The following PLCB1 variants were observed in gnomAD, a reference collection of about 807,000 sequenced individuals.
The protein encoded by PLCB1 is phospholipase C beta 1, also known as 1-phosphatidylinositol 4,5-bisphosphate phosphodiesterase beta-1.
A neutral mutation model predicts 161.8 loss-of-function variants in PLCB1; 46 were observed. The observed-to-expected ratio is 0.28, with a 90% CI of 0.22 to 0.36. PLCB1 has a LOEUF of 0.36. Ranked by LOEUF, PLCB1 falls within the 10% of genes least tolerant of loss-of-function variation. The probability of loss-of-function intolerance (pLI) is 1.00; values close to 1 mark genes in which losing one functional copy is unlikely to be tolerated. For missense variants in PLCB1, 1,016 were observed against 1,472.5 expected (o/e 0.69, Z 5.07); for synonymous variants, 517 against 503.7 (o/e 1.03, Z -0.35).
intron 1 of PLCB1, among the ~76,000 whole-genome samples, chr20:8,146,802 A>G (rs58635000): frequency 0.043 from 6,607 of 152,232 alleles, 184 homozygotes; most frequent in South Asian, 0.12. Flanking sequence ...CTTAATTACT[A>G]TATTAATCTT....
intron 9 of PLCB1, among the ~76,000 whole-genome samples, chr20:8,672,108 C>T (rs1989960251): frequency 6.6e-6 from 1 of 152,154 alleles, no homozygotes; most frequent in Non-Finnish European, 1.5e-5. Context: ...AACACAAAGA[C>T]TGACTGCCTG....
chr20:8,668,355 G>A (rs1280459846), intron 9 of PLCB1, among the ~76,000 whole-genome samples: 4 of 152,152 alleles, frequency 2.6e-5, no homozygotes, highest in African/African-American at 9.7e-5. Context: ...AGCTGTGACA[G>A]CAAAGATTAT....
intron 23 of PLCB1, among the ~76,000 whole-genome samples, chr20:8,754,658 A>G (rs1370585077): frequency 6.6e-6 from 1 of 152,080 alleles, no homozygotes; most frequent in African/African-American, 2.4e-5. Flanking sequence ...AACCATGGGC[A>G]CCCTCTTCAG....
chr20:8,135,785 C>T (rs531926321), intron 1 of PLCB1, among the ~76,000 whole-genome samples: 33 of 152,268 alleles, frequency 2.2e-4, no homozygotes, highest in African/African-American at 7.5e-4. Flanking sequence ...CATGTCTTTG[C>T]TTTTGTTTTG....
At position 8,197,200 on chromosome 20, in the gene PLCB1, G is replaced by T. The variant is rs1469407934; in HGVS notation, c.177+46829G>T. On this transcript the variant is annotated intron_variant, in intron 2 of 31. Transcript: ENST00000338037. Reference sequence around the variant, plus strand: ...TATATACCCAGTAATGGGATGGCTGGGTCAAATGGTATTTCTAGTTCTAGA... The same window carrying T: ...TATATACCCAGTAATGGGATGGCTGTGTCAAATGGTATTTCTAGTTCTAGA... Among the ~76,000 whole-genome samples, 4 of 152,150 alleles carry T rather than the reference G, an allele frequency of 2.6e-5. 1 individual carries two copies. In the South Asian group the frequency reaches 6.2e-4, roughly 24 times the overall value.
chr20:8,135,550 T>G (rs970209960), intron 1 of PLCB1, among the ~76,000 whole-genome samples: 4 of 152,258 alleles, frequency 2.6e-5, no homozygotes, highest in Admixed American at 1.3e-4. Context: ...GGAGATACCC[T>G]GTTGTACCAG....
chr20:8,237,412 G>A (rs1340218965), intron 2 of PLCB1, among the ~76,000 whole-genome samples: 3 of 151,956 alleles, frequency 2.0e-5, no homozygotes, highest in Admixed American at 6.6e-5. Flanking sequence ...ATGCCCAGAA[G>A]TCATATGGAC....
chr20:8,495,302 G>C (rs1983114265), intron 3 of PLCB1, among the ~76,000 whole-genome samples: 1 of 151,624 alleles, frequency 6.6e-6, no homozygotes, highest in South Asian at 2.1e-4. Context: ...AAGTAATGGG[G>C]TCAAAATGCA....
At chr20:8,434,066 T>C (rs1980187389) in intron 3 of PLCB1, among the ~76,000 whole-genome samples, 1 of 152,242 alleles carries the variant, frequency 6.6e-6, no homozygotes, top group Admixed American at 6.5e-5. Context: ...CTCATTCTTA[T>C]GAGTTTGATT....
chr20:8,442,609 A>G (rs1015301170), intron 3 of PLCB1, among the ~76,000 whole-genome samples: 3 of 152,238 alleles, frequency 2.0e-5, no homozygotes, highest in Admixed American at 2.0e-4. Context: ...AGCTCAGTCC[A>G]ATGAATATCT....
At chr20:8,713,461 A>C (rs1979130790) in intron 12 of PLCB1, among the ~76,000 whole-genome samples, 1 of 152,018 alleles carries the variant, frequency 6.6e-6, no homozygotes, top group Admixed American at 6.6e-5. Context: ...GGGATTACAG[A>C]CGTGAGCCAC....
At chr20:8,344,120 G>A (rs1985909223) in intron 2 of PLCB1, among the ~76,000 whole-genome samples, 1 of 152,190 alleles carries the variant, frequency 6.6e-6, no homozygotes, top group African/African-American at 2.4e-5. Context: ...GCAGCTAGAT[G>A]CAAGGATTAT....
At chr20:8,829,338 C>CATG (rs895728620) in intron 31 of PLCB1, among the ~76,000 whole-genome samples, 1 of 152,186 alleles carries the variant, frequency 6.6e-6, no homozygotes, top group Non-Finnish European at 1.5e-5. Context: ...CAGTTCCCAT[C>CATG]TCCTCAGTGT....
chr20:8,340,901 T>C (rs937498842), intron 2 of PLCB1, among the ~76,000 whole-genome samples: 1 of 152,124 alleles, frequency 6.6e-6, no homozygotes, highest in African/African-American at 2.4e-5. Flanking sequence ...AGAAAGGTCA[T>C]TGGTTTTATT....
intron 2 of PLCB1, among the ~76,000 whole-genome samples, chr20:8,244,596 A>G (rs1980783739): frequency 6.6e-6 from 1 of 151,844 alleles, no homozygotes; most frequent in South Asian, 2.1e-4. Flanking sequence ...TTTCCAGGAA[A>G]GGGGTGCCTG....
In PLCB1 at chr20:8,768,126, G is replaced by A. The variant is rs146399701; in HGVS notation, c.2930+2768G>A. ...GGAGGTTGCAGTGAGCCGAGATGGTGCCACTGCACTCCAGCCTGGGCAACA... is the reference window on the plus strand; with the variant it reads ...GGAGGTTGCAGTGAGCCGAGATGGTACCACTGCACTCCAGCCTGGGCAACA... On this transcript the variant is annotated intron_variant, in intron 26 of 31. Coordinates refer to ENST00000338037, the MANE Select transcript of PLCB1 (RefSeq NM_015192.4). 5.2e-3 allele frequency among the ~76,000 whole-genome samples: 787 copies of A among 152,118 alleles called. 4 individuals are homozygous for A. The highest frequency in any genetic ancestry group is 0.034 in the Middle Eastern group (10 of 294).
intron 26 of PLCB1, among the ~76,000 whole-genome samples, chr20:8,767,285 G>A (rs1295898801): frequency 2.0e-5 from 3 of 152,286 alleles, no homozygotes; most frequent in Non-Finnish European, 4.4e-5. Flanking sequence ...GAGCTCCTAA[G>A]GTTTGCTGAT....
At chr20:8,791,416 T>C (rs1273696902) in intron 31 of PLCB1, among the ~76,000 whole-genome samples, 1 of 152,174 alleles carries the variant, frequency 6.6e-6, no homozygotes, top group Non-Finnish European at 1.5e-5. Flanking sequence ...GCTCAAATTA[T>C]TTAGAGCAAA....
chr20:8,321,682 A>G (rs1266251404), intron 2 of PLCB1, among the ~76,000 whole-genome samples: 1 of 152,186 alleles, frequency 6.6e-6, no homozygotes, highest in Admixed American at 6.5e-5. Flanking sequence ...TGGCTTTATA[A>G]CAGTGCAAGG....
Sources: allele counts gnomAD v4.1 joint callset (sites outside exome capture counted in the v4.1 genomes callset), GRCh38; gene constraint gnomAD v4.1.1; transcripts MANE v1.5; gene names NCBI Gene and HGNC (gene_info 2026-07-23, HGNC 2026-07-21).